The following SGCD variants were observed in gnomAD, a reference collection of about 807,000 sequenced individuals.
SGCD encodes delta-sarcoglycan.
Under a neutral mutation model 36.6 loss-of-function variants are expected in SGCD, and 18 were observed. The ratio of observed to expected loss-of-function variants is 0.49; its 90% CI spans 0.34 to 0.73. The LOEUF (loss-of-function observed/expected upper bound fraction) is 0.73. SGCD is among the 30% of genes least tolerant of loss of function. The pLI is 0.01. For missense variants in SGCD, 387 were observed against 346.7 expected (o/e 1.12, Z -0.92); for synonymous variants, 133 against 130.6 (o/e 1.02, Z -0.12).
chr5:156,550,866 G>A (rs1017899194), intron 4 of SGCD, among the ~76,000 whole-genome samples: 20 of 152,196 alleles, frequency 1.3e-4, no homozygotes, highest in Non-Finnish European at 2.9e-4. Context: ...TTAGGAATAA[G>A]CATCCTTCAT....
intron 7 of SGCD, among the ~76,000 whole-genome samples, chr5:156,724,957 A>AT (rs935210269): frequency 6.6e-6 from 1 of 152,214 alleles, no homozygotes; most frequent in African/African-American, 2.4e-5. Context: ...GATGATTGAA[A>AT]TTCCAGCATG....
the SGCD span, among the ~76,000 whole-genome samples, chr5:155,800,800 G>A: frequency 0.88 from 133,919 of 152,124 alleles, 59,018 homozygotes; most frequent in East Asian, 0.99. Context: ...CTCCATTTAC[G>A]TTATCTTGAG....
chr5:156,505,551 CTG>C (rs892505592), intron 3 of SGCD, among the ~76,000 whole-genome samples: 1 of 152,160 alleles, frequency 6.6e-6, no homozygotes, highest in Admixed American at 6.5e-5. Flanking sequence ...TGGGTGGAGA[CTG>C]TGCAAACTAG....
At chr5:156,116,424 T>G (rs541004244) in intron 1 of SGCD, among the ~76,000 whole-genome samples, 2 of 152,158 alleles carry the variant, frequency 1.3e-5, no homozygotes, top group African/African-American at 4.8e-5. Flanking sequence ...ATGCCTATTT[T>G]TCTAGACACT....
At chr5:156,081,810 G>A (rs924587770) in intron 1 of SGCD, among the ~76,000 whole-genome samples, 2 of 152,100 alleles carry the variant, frequency 1.3e-5, no homozygotes, top group African/African-American at 4.8e-5. Flanking sequence ...GAATAATAAG[G>A]AGAAAAATCA....
At chr5:156,061,173 AT>A (rs201621091) in intron 1 of SGCD, among the ~76,000 whole-genome samples, 11,647 of 137,500 alleles carry the variant, frequency 0.085, 1,955 homozygotes, top group African/African-American at 0.27. Flanking sequence ...AATTGCAACT[AT>A]TTTTTTTTTT....
chr5:156,214,588 T>C (rs1764527311), intron 3 of SGCD, among the ~76,000 whole-genome samples: 1 of 151,940 alleles, frequency 6.6e-6, no homozygotes. Context: ...TCCACAGAAA[T>C]AGAAACCATT....
chr5:156,459,020 T>C (rs1330319510), intron 3 of SGCD, among the ~76,000 whole-genome samples: 2 of 152,184 alleles, frequency 1.3e-5, no homozygotes, highest in African/African-American at 4.8e-5. Context: ...ATTATCTTAT[T>C]TTTCATTCAA....
intron 3 of SGCD, among the ~76,000 whole-genome samples, chr5:156,185,339 C>G (rs149641799): frequency 2.6e-5 from 4 of 151,492 alleles, no homozygotes; most frequent in Admixed American, 6.6e-5. Flanking sequence ...CTCAGCCTCC[C>G]GAGTAGCTGG....
At chr5:156,128,177 C>T (rs572626084) in intron 3 of SGCD, among the ~76,000 whole-genome samples, 6 of 152,036 alleles carry the variant, frequency 3.9e-5, no homozygotes, top group Non-Finnish European at 7.4e-5. Flanking sequence ...TGCATTGCAC[C>T]ACAATGAGAT....
At chr5:156,532,665 G>A (rs979618272) in intron 4 of SGCD, among the ~76,000 whole-genome samples, 2 of 152,054 alleles carry the variant, frequency 1.3e-5, no homozygotes, top group South Asian at 2.1e-4. Context: ...GTTTTACCAC[G>A]TTAGCCAGGA....
At chr5:156,422,536 T>C (rs1295906846) in intron 3 of SGCD, among the ~76,000 whole-genome samples, 1 of 152,042 alleles carries the variant, frequency 6.6e-6, no homozygotes, top group Non-Finnish European at 1.5e-5. Context: ...AAAATGGCTA[T>C]GCCACAAGAT....
At chr5:156,759,120 T>G in intron 8 of SGCD, 97 bp from the exon 9 acceptor site, 1 of 940,658 alleles carries the variant, frequency 1.1e-6, no homozygotes, top group East Asian at 2.4e-5. Flanking sequence ...GCTCATTAGA[T>G]TTCAGTTGAA....
chr5:156,159,970 A>C (rs769955302), intron 3 of SGCD, among the ~76,000 whole-genome samples: 3 of 151,604 alleles, frequency 2.0e-5, no homozygotes, highest in Admixed American at 6.6e-5. Context: ...GGAAGACTTG[A>C]GTTTGAAAGA....
At chr5:156,740,662 T>A (rs1029038027) in intron 7 of SGCD, among the ~76,000 whole-genome samples, 5 of 152,204 alleles carry the variant, frequency 3.3e-5, no homozygotes, top group African/African-American at 1.2e-4. Context: ...GCTGTTCTCA[T>A]CAGTGGAATG....
chr5:156,320,167 G>C (rs952548465), intron 3 of SGCD, among the ~76,000 whole-genome samples: 1 of 149,924 alleles, frequency 6.7e-6, no homozygotes, highest in Admixed American at 6.6e-5. Flanking sequence ...GGATTTTGAG[G>C]CTTGGTCTTT....
intron 6 of SGCD, among the ~76,000 whole-genome samples, chr5:156,638,048 A>C (rs1762895058): frequency 6.6e-6 from 1 of 151,616 alleles, no homozygotes; most frequent in Non-Finnish European, 1.5e-5. Flanking sequence ...ATAGGAAGGC[A>C]TCACCACCCA....
chr5:156,442,445 A>T (rs1181564608), intron 3 of SGCD, among the ~76,000 whole-genome samples: 1 of 152,200 alleles, frequency 6.6e-6, no homozygotes, highest in Non-Finnish European at 1.5e-5. Flanking sequence ...GAGTTAAAAA[A>T]TTCTGTTGGT....
intron 4 of SGCD, among the ~76,000 whole-genome samples, chr5:156,544,865 C>A (rs1758501131): frequency 6.6e-6 from 1 of 152,132 alleles, no homozygotes; most frequent in South Asian, 2.1e-4. Flanking sequence ...TTAATAACAT[C>A]ATTTATGAGG....
Sources: gnomAD v4.1 joint callset for allele counts (sites outside exome capture counted in the v4.1 genomes callset) on GRCh38, gnomAD v4.1.1 for gene constraint, MANE v1.5 for transcripts, NCBI Gene and HGNC (gene_info 2026-07-23, HGNC 2026-07-21) for gene names.